The following ZDHHC14 variants were observed in gnomAD, a reference collection of about 807,000 sequenced individuals.
ZDHHC14 encodes the protein palmitoyltransferase ZDHHC14.
A neutral mutation model predicts 47.7 loss-of-function variants in ZDHHC14; 16 were observed. The ratio of observed to expected loss-of-function variants is 0.34; its 90% CI spans 0.23 to 0.51. The LOEUF (loss-of-function observed/expected upper bound fraction) is 0.51. ZDHHC14 is among the 20% of genes least tolerant of loss of function. ZDHHC14 has a pLI of 0.97. For synonymous variants in ZDHHC14, 293 were observed against 278.9 expected (o/e 1.05, Z -0.50); for missense variants, 515 against 662.5 (o/e 0.78, Z 2.44).
intron 1 of ZDHHC14, among the ~76,000 whole-genome samples, chr6:157,460,405 G>GGAA (rs1779049133): frequency 4.6e-5 from 2 of 43,358 alleles, no homozygotes; most frequent in African/African-American, 1.9e-4. Context: ...TCTCTCTCTG[G>GGAA]AAAAAAAAAA....
At chr6:157,535,262 G>A (rs1263767407) in intron 1 of ZDHHC14, among the ~76,000 whole-genome samples, 2 of 152,216 alleles carry the variant, frequency 1.3e-5, no homozygotes, top group Admixed American at 1.3e-4. Flanking sequence ...AGGCAAGACT[G>A]TGCTGTGTTT....
intron 2 of ZDHHC14, among the ~76,000 whole-genome samples, chr6:157,545,794 C>T (rs1341805746): frequency 6.6e-6 from 1 of 152,086 alleles, no homozygotes; most frequent in African/African-American, 2.4e-5. Flanking sequence ...GGGTTTGAAT[C>T]CTGGCTCACC....
At chr6:157,458,660 G>T (rs575575148) in intron 1 of ZDHHC14, among the ~76,000 whole-genome samples, 1 of 152,102 alleles carries the variant, frequency 6.6e-6, no homozygotes, top group East Asian at 1.9e-4. Context: ...GACCTGGCAT[G>T]GTCTGCAAAC....
At chr6:157,628,026 A>AG (rs1169962303) in intron 3 of ZDHHC14, among the ~76,000 whole-genome samples, 2 of 152,230 alleles carry the variant, frequency 1.3e-5, no homozygotes, top group Non-Finnish European at 2.9e-5. Flanking sequence ...GTGAATGCAA[A>AG]GAAGTTTCTT....
At chr6:157,439,663 A>T (rs1778523477) in intron 1 of ZDHHC14, among the ~76,000 whole-genome samples, 1 of 152,238 alleles carries the variant, frequency 6.6e-6, no homozygotes, top group African/African-American at 2.4e-5. Context: ...TACTGGGTAT[A>T]TACCCAAAGG....
At chr6:157,438,216 T>C (rs1049884691) in intron 1 of ZDHHC14, among the ~76,000 whole-genome samples, 3 of 152,180 alleles carry the variant, frequency 2.0e-5, no homozygotes, top group Non-Finnish European at 4.4e-5. Flanking sequence ...TGCTAAGGTG[T>C]CACAAATTTG....
intron 1 of ZDHHC14, among the ~76,000 whole-genome samples, chr6:157,451,170 C>G (rs923135727): frequency 1.3e-5 from 2 of 151,958 alleles, no homozygotes; most frequent in Non-Finnish European, 2.9e-5. Flanking sequence ...TGATCTTGAC[C>G]TTCTTCAGAG....
intron 1 of ZDHHC14, among the ~76,000 whole-genome samples, chr6:157,438,931 G>A (rs947810159): frequency 6.6e-6 from 1 of 152,206 alleles, no homozygotes; most frequent in African/African-American, 2.4e-5. Flanking sequence ...GCGGTAGAGA[G>A]TGCCAAGAAC....
rs983215956 is a variant in ZDHHC14 at position 157,435,777 on chromosome 6, C to T, written c.245+53511C>T. Reference sequence around the variant, plus strand: ...CTGGTCTCGAACTCTTGGGCTCAAGCGATCCTCCCACCTTGGCCTCCCAAA... The same window carrying T: ...CTGGTCTCGAACTCTTGGGCTCAAGTGATCCTCCCACCTTGGCCTCCCAAA... On this transcript the variant is annotated intron_variant, in intron 1 of 8. Transcript: ENST00000359775. Among the ~76,000 whole-genome samples, 6 of 152,106 alleles carry T rather than the reference C, an allele frequency of 3.9e-5. No homozygotes were observed. The South Asian group carries it at 8.3e-4, about 21-fold the overall frequency.
intron 5 of ZDHHC14, among the ~76,000 whole-genome samples, chr6:157,637,956 G>T (rs1777063294): frequency 6.6e-6 from 1 of 152,198 alleles, no homozygotes; most frequent in Non-Finnish European, 1.5e-5. Flanking sequence ...TACACTGAAA[G>T]CTCTTCATCA....
intron 8 of ZDHHC14, among the ~76,000 whole-genome samples, chr6:157,658,467 TG>T (rs112386542): frequency 5.3e-5 from 8 of 152,178 alleles, no homozygotes; most frequent in African/African-American, 1.9e-4. Context: ...GTAAACACCG[TG>T]ACTCTCAGCT....
intron 3 of ZDHHC14, among the ~76,000 whole-genome samples, chr6:157,615,945 G>T (rs949460989): frequency 6.6e-6 from 1 of 152,224 alleles, no homozygotes; most frequent in Non-Finnish European, 1.5e-5. Flanking sequence ...GGGGCCAGAG[G>T]CCTGCCCAGC....
At chr6:157,659,457 C>T (rs146098088) in intron 8 of ZDHHC14, among the ~76,000 whole-genome samples, 212 of 152,316 alleles carry the variant, frequency 1.4e-3, no homozygotes, top group African/African-American at 4.9e-3. Flanking sequence ...TGTCAAAACA[C>T]GGACAAATGA....
At chr6:157,473,713 G>A (rs760512588) in intron 1 of ZDHHC14, among the ~76,000 whole-genome samples, 3 of 152,062 alleles carry the variant, frequency 2.0e-5, no homozygotes, top group East Asian at 3.9e-4. Flanking sequence ...AATTTCACAC[G>A]TAACCTCATG....
chr6:157,496,533 A>G (rs942978032), intron 1 of ZDHHC14, among the ~76,000 whole-genome samples: 1 of 152,210 alleles, frequency 6.6e-6, no homozygotes, highest in African/African-American at 2.4e-5. Flanking sequence ...ATCAGATATG[A>G]CTAGTGCCCT....
At chr6:157,501,877 A>G (rs1780200920) in intron 1 of ZDHHC14, among the ~76,000 whole-genome samples, 1 of 152,182 alleles carries the variant, frequency 6.6e-6, no homozygotes, top group Non-Finnish European at 1.5e-5. Context: ...ACTTCTCCTA[A>G]AGAGGAAAAA....
chr6:157,592,842 GC>G, intron 2 of ZDHHC14, 145 bp from the exon 3 acceptor site: 1 of 1,467,184 alleles, frequency 6.8e-7, no homozygotes, highest in Non-Finnish European at 9.0e-7. Flanking sequence ...GAGTCCCAGA[GC>G]CCCAGCCTGG....
chr6:157,461,827 G>A (rs745884851), intron 1 of ZDHHC14, among the ~76,000 whole-genome samples: 1 of 152,160 alleles, frequency 6.6e-6, no homozygotes, highest in Non-Finnish European at 1.5e-5. Context: ...CCACAGTCAC[G>A]GCTTGCAGAA....
At chr6:157,562,037 C>T (rs969600234) in intron 2 of ZDHHC14, among the ~76,000 whole-genome samples, 1 of 152,042 alleles carries the variant, frequency 6.6e-6, no homozygotes, top group South Asian at 2.1e-4. Flanking sequence ...AACATATAAA[C>T]AAAATGATTT....
Sources: gnomAD v4.1 joint callset for allele counts (sites outside exome capture counted in the v4.1 genomes callset) on GRCh38, gnomAD v4.1.1 for gene constraint, MANE v1.5 for transcripts, NCBI Gene and HGNC (gene_info 2026-07-23, HGNC 2026-07-21) for gene names.